Variants in RASAL2 observed in about 807,000 individuals in gnomAD.
The protein encoded by RASAL2 is ras GTPase-activating protein nGAP.
In RASAL2, 58 loss-of-function variants were observed where a neutral mutation model predicts 128.9. The observed-to-expected ratio is 0.45, with a 90% confidence interval of 0.36 to 0.56. RASAL2 has a LOEUF of 0.56. Among genes scored for constraint, RASAL2 ranks in the 20% least tolerant of loss-of-function variants. The pLI is 0.00. For synonymous variants in RASAL2, 561 were observed against 580.8 expected, an observed-to-expected ratio of 0.97 and a Z score of 0.49; for missense variants, 1,360 against 1,601.6, an observed-to-expected ratio of 0.85 and a Z score of 2.57.
intron 1 of RASAL2, among the ~76,000 whole-genome samples, chr1:178,189,764 CTATT>C (rs1367107469): frequency 6.6e-6 from 1 of 152,090 alleles, no homozygotes; most frequent in Admixed American, 6.6e-5. Context: ...ATTAGCACAT[CTATT>C]TATGTGTTTT....
At chr1:178,236,755 A>C (rs1571677871) in intron 1 of RASAL2, among the ~76,000 whole-genome samples, 1 of 129,158 alleles carries the variant, frequency 7.7e-6, no homozygotes, top group African/African-American at 3.0e-5. Flanking sequence ...ATTGGACACT[A>C]CTTTTTTTTT....
At chr1:178,307,223 G>C (rs1456749249) in intron 3 of RASAL2, among the ~76,000 whole-genome samples, 1 of 151,728 alleles carries the variant, frequency 6.6e-6, no homozygotes, top group Admixed American at 6.6e-5. Flanking sequence ...CTTAAGCAAT[G>C]TGCATTTCTT....
intron 3 of RASAL2, chr1:178,341,598 G>A (rs768837135): frequency 6.2e-7 from 1 of 1,614,030 alleles, no homozygotes; most frequent in South Asian, 1.1e-5. Context: ...TTCACACGAT[G>A]CAGACCCCAG....
chr1:178,228,863 T>C (rs1032695342), intron 1 of RASAL2, among the ~76,000 whole-genome samples: 7 of 152,214 alleles, frequency 4.6e-5, no homozygotes, highest in Non-Finnish European at 1.0e-4. Context: ...TATTTTGTTA[T>C]ACTACTCAAA....
chr1:178,379,419 G>T (rs1432477277), intron 3 of RASAL2, among the ~76,000 whole-genome samples: 1 of 151,272 alleles, frequency 6.6e-6, no homozygotes, highest in East Asian at 1.9e-4. Flanking sequence ...GGGAGGGGAG[G>T]GAAGGAAGGG....
chr1:178,357,121 T>C (rs1670852412), intron 3 of RASAL2, among the ~76,000 whole-genome samples: 1 of 152,212 alleles, frequency 6.6e-6, no homozygotes, highest in Admixed American at 6.5e-5. Context: ...ATTTCATATT[T>C]TGATAGATGC....
chr1:178,171,095 G>T (rs1244434376), intron 1 of RASAL2, among the ~76,000 whole-genome samples: 2 of 151,738 alleles, frequency 1.3e-5, no homozygotes, highest in Admixed American at 6.6e-5. Context: ...TTCCACGTGG[G>T]TTTTCCTTGG....
chr1:178,333,448 T>C lies in RASAL2; in HGVS notation c.457+33330T>C, dbSNP rs574742214. ...TTTTTGTTTTTTGTCAATATGACAT[T>C]TTAACCCATTTATGCCTAGTGTTCC... is the stretch of plus-strand genomic sequence containing the variant. On this transcript the variant is annotated intron_variant, in intron 3 of 17. Coordinates refer to ENST00000367649, the MANE Select transcript of RASAL2 (RefSeq NM_170692.4). Among the ~76,000 whole-genome samples the C allele has an allele frequency of 8.9e-4, 136 of 152,342 alleles. 1 individual carries two copies. Among genetic ancestry groups the C allele is most frequent in the African/African-American group, 3.2e-3 (131 of 41,576 alleles).
intron 3 of RASAL2, among the ~76,000 whole-genome samples, chr1:178,333,921 TG>T (rs1365034137): frequency 2.6e-5 from 4 of 152,220 alleles, no homozygotes; most frequent in Non-Finnish European, 5.9e-5. Context: ...AGAGAAAATA[TG>T]TTAACCCTTG....
At chr1:178,113,034 G>C (rs958409263) in intron 1 of RASAL2, among the ~76,000 whole-genome samples, 7 of 151,938 alleles carry the variant, frequency 4.6e-5, no homozygotes, top group Non-Finnish European at 1.0e-4. Context: ...TTGTATTTTT[G>C]TGTGTGGTAA....
chr1:178,473,178 C>T lies in RASAL2; in HGVS notation c.3782C>T (p.Pro1261Leu). The change falls in exon 18 of 18, where the codon CCC (proline) becomes CTC (leucine). Residue 1261 changes from proline (P) to leucine (L), a missense_variant. Pro to Leu is a moderately conservative substitution (Grantham distance 98, BLOSUM62 -3). This residue lies in a region of RASAL2 where 741 missense variants were observed against 868.6 expected (regional missense o/e 0.85). Coordinates refer to ENST00000367649, the MANE Select transcript of RASAL2 (RefSeq NM_170692.4). ...ATGCAGGTCCGCAATGGCATCTCCC[C>T]CACCAACCCCACCAAGCTTTCCATC... ...YSMQVRNGIS[P>L]TNPTKLSITE... 6.2e-7 allele frequency: 1 copy of T among 1,614,186 alleles called. No homozygotes were observed. Among genetic ancestry groups the T allele is most frequent in the Non-Finnish European group, 8.5e-7 (1 of 1,180,040 alleles).
Position 178,302,873 on chromosome 1 carries a change from C to T in RASAL2, c.457+2755C>T, listed in dbSNP as rs116063363. Among the ~76,000 whole-genome samples the T allele has an allele frequency of 3.9e-3, 596 of 152,032 alleles. 5 individuals are homozygous for T. The highest frequency in any genetic ancestry group is 0.014 in the African/African-American group (573 of 41,490). ...TGGTCAATATGGTGAAACCCTGTCT[C>T]GAGTGTGGTGGCATGTGCCTGTAGT... On this transcript the variant is annotated intron_variant, in intron 3 of 17. Transcript: ENST00000367649.
chr1:178,214,441 C>G (rs1451197624), intron 1 of RASAL2, among the ~76,000 whole-genome samples: 4 of 152,138 alleles, frequency 2.6e-5, no homozygotes, highest in African/African-American at 9.7e-5. Context: ...TAGAAAATAC[C>G]TGAATGCTAA....
At position 178,456,703 on chromosome 1, in the gene RASAL2, G is replaced by A; in HGVS notation, c.2212-18G>A. 1 of 1,613,636 alleles carries A rather than the reference G, an allele frequency of 6.2e-7. No homozygotes were observed. The highest frequency in any genetic ancestry group is 2.2e-5 in the East Asian group (1 of 44,880). ...GCAATGCTTATTATCCAATTAGGGT[G>A]AAAATTCCTTCCTACAGGCGACCGT... is the stretch of plus-strand genomic sequence containing the variant. On this transcript the variant is annotated intron_variant, in intron 12 of 17. Coordinates refer to ENST00000367649, the MANE Select transcript of RASAL2 (RefSeq NM_170692.4).
intron 3 of RASAL2, among the ~76,000 whole-genome samples, chr1:178,376,124 G>A (rs1671978114): frequency 6.6e-6 from 1 of 152,070 alleles, no homozygotes; most frequent in Non-Finnish European, 1.5e-5. Flanking sequence ...GGTATTACAG[G>A]TGCTAAGGTA....
chr1:178,293,588 G>T (rs1667373921), intron 2 of RASAL2, among the ~76,000 whole-genome samples: 1 of 152,032 alleles, frequency 6.6e-6, no homozygotes, highest in South Asian at 2.1e-4. Flanking sequence ...AGCCAAATTG[G>T]CCTACTCCCT....
chr1:178,377,331 T>C (rs1201189691), intron 3 of RASAL2, among the ~76,000 whole-genome samples: 6 of 152,034 alleles, frequency 3.9e-5, no homozygotes, highest in African/African-American at 1.4e-4. Flanking sequence ...TAGAGACAAT[T>C]AGAAATTTCA....
At chr1:178,177,941 A>T (rs1200245144) in intron 1 of RASAL2, among the ~76,000 whole-genome samples, 1 of 152,204 alleles carries the variant, frequency 6.6e-6, no homozygotes. Flanking sequence ...CTCTTGATAA[A>T]GTTTCAAACT....
intron 1 of RASAL2, among the ~76,000 whole-genome samples, chr1:178,147,479 C>CAAAAAAAAAAAAA (rs71297899): frequency 7.2e-5 from 6 of 82,960 alleles, no homozygotes; most frequent in African/African-American, 2.5e-4. Context: ...GACTCCGTCT[C>CAAAAAAAAAAAAA]AAAAAAAAAA....
Sources: gnomAD v4.1 joint callset for allele counts (sites outside exome capture counted in the v4.1 genomes callset) on GRCh38, gnomAD v4.1.1 for gene constraint, gnomAD v4.1.1 regional missense constraint, MANE v1.5 for transcripts, NCBI Gene and HGNC (gene_info 2026-07-23, HGNC 2026-07-21) for gene names.